Variants in USP37 observed in about 807,000 individuals in gnomAD.
The protein encoded by USP37 is ubiquitin specific peptidase 37.
USP37 carries 27 observed loss-of-function variants against 124.0 expected under a neutral mutation model. The observed-to-expected ratio is 0.22, with a 90% CI of 0.16 to 0.30. USP37 has a LOEUF of 0.30. Ranked by LOEUF, USP37 falls within the 10% of genes least tolerant of loss-of-function variation. The probability of loss-of-function intolerance (pLI) is 1.00; values close to 1 mark genes in which losing one functional copy is unlikely to be tolerated. For missense variants in USP37, 889 were observed against 1,140.4 expected, an observed-to-expected ratio of 0.78 and a Z score of 3.17; for synonymous variants, 365 against 388.0, an observed-to-expected ratio of 0.94 and a Z score of 0.70.
intron 10 of USP37, among the ~76,000 whole-genome samples, chr2:218,524,747 C>T (rs770745118): frequency 6.6e-6 from 1 of 152,166 alleles, no homozygotes; most frequent in Non-Finnish European, 1.5e-5. Flanking sequence ...GTAGCTGGGA[C>T]TACAGGCACG....
At chr2:218,539,395 A>G (rs908628991) in intron 8 of USP37, among the ~76,000 whole-genome samples, 17 of 152,138 alleles carry the variant, frequency 1.1e-4, no homozygotes, top group Admixed American at 4.6e-4. Context: ...CATTCTTACC[A>G]TAGATCTTCG....
At chr2:218,486,794 C>T (rs778727300) in intron 15 of USP37, among the ~76,000 whole-genome samples, 12 of 151,944 alleles carry the variant, frequency 7.9e-5, no homozygotes, top group African/African-American at 1.9e-4. Flanking sequence ...GGCGCGATCT[C>T]GGCTCACTTC....
chr2:218,460,781 A>C (rs1170966766), intron 22 of USP37, among the ~76,000 whole-genome samples: 2 of 152,074 alleles, frequency 1.3e-5, no homozygotes, highest in Non-Finnish European at 2.9e-5. Context: ...TCTCTACTAA[A>C]AATACAAAAA....
chr2:218,505,493 ATAGTATTCCAAGTTC>A (rs1689629582), intron 11 of USP37, among the ~76,000 whole-genome samples: 1 of 152,218 alleles, frequency 6.6e-6, no homozygotes, highest in Non-Finnish European at 1.5e-5. Context: ...AAATGTGTGT[ATAGTATTCCAAGTTC>A]TTATACTCCA....
rs577122719 is a variant in USP37 at position 218,482,186 on chromosome 2, C to G, written c.1719G>C (p.Ser573=). The part of the protein sequence containing the change: ...LKRYSFNVAL[S]LNNKIGQQVI... ...CTTGCTGCCCAATCTTATTGTTAAG[C>G]GAGAGAGCCACATTGAAGCTATATC... The change falls in exon 17 of 26, where the codon TCG becomes TCC. Residue 573 remains serine (S), a synonymous_variant. Transcript: ENST00000258399. The G allele has an allele frequency of 6.2e-7, 1 of 1,613,628 alleles. No individual in the cohort carries two copies. The highest frequency in any genetic ancestry group is 8.5e-7 in the Non-Finnish European group (1 of 1,179,812).
intron 8 of USP37, among the ~76,000 whole-genome samples, chr2:218,543,032 G>T (rs529385419): frequency 1.1e-4 from 16 of 152,170 alleles, no homozygotes; most frequent in African/African-American, 3.6e-4. Context: ...TGATAAAAAC[G>T]GTCATATTAA....
At chr2:218,467,508 C>G (rs1690417559) in intron 20 of USP37, among the ~76,000 whole-genome samples, 1 of 152,136 alleles carries the variant, frequency 6.6e-6, no homozygotes, top group African/African-American at 2.4e-5. Context: ...GCCACCACGC[C>G]CGGCTAATTT....
intron 1 of USP37, 97 bp from the exon 2 acceptor site, chr2:218,562,910 T>C (rs1412028295): frequency 5.2e-6 from 2 of 386,464 alleles, no homozygotes; most frequent in Admixed American, 4.5e-5. Context: ...ACGCGAGTAA[T>C]CCCAGCACTT....
intron 20 of USP37, among the ~76,000 whole-genome samples, chr2:218,470,434 T>C (rs1690613646): frequency 6.6e-6 from 1 of 152,196 alleles, no homozygotes. Context: ...AGTATTACTG[T>C]TTTTTTCTAA....
Position 218,505,094 on chromosome 2 carries a change from G to A in USP37, c.1025+4885C>T, listed in dbSNP as rs144456868. ...CAGTGGTGTGACCACGGTTCACCGTGGCCTCGACCTCCCAGGCTCAAGCAA... is the reference window on the plus strand; with the variant it reads ...CAGTGGTGTGACCACGGTTCACCGTAGCCTCGACCTCCCAGGCTCAAGCAA... On this transcript the variant is annotated intron_variant, in intron 11 of 25. Coordinates refer to ENST00000258399, the MANE Select transcript of USP37 (RefSeq NM_020935.3). Among the ~76,000 whole-genome samples, 132 of 151,940 alleles carry A rather than the reference G, an allele frequency of 8.7e-4. 4 individuals are homozygous for A. The East Asian group carries it at 0.024, about 27-fold the overall frequency.
In USP37 at chr2:218,511,765, T is replaced by C. The variant is rs574219996; in HGVS notation, c.864-1625A>G. ...TCTGGCCCACATTCTAATTTTAAAA[T>C]TTTTATACTGGGAAATTTATCAATT... On this transcript the variant is annotated intron_variant, in intron 10 of 25. Coordinates refer to ENST00000258399, the MANE Select transcript of USP37 (RefSeq NM_020935.3). 1.4e-3 allele frequency among the ~76,000 whole-genome samples: 206 copies of C among 150,634 alleles called. 1 individual carries two copies. The highest frequency in any genetic ancestry group is 5.0e-3 in the African/African-American group (204 of 41,054).
At chr2:218,525,592 T>G (rs951889511) in intron 10 of USP37, among the ~76,000 whole-genome samples, 2 of 152,250 alleles carry the variant, frequency 1.3e-5, no homozygotes, top group Middle Eastern at 3.2e-3. Context: ...TCTAACTATC[T>G]GCTTCCTATT....
At position 218,542,609 on chromosome 2, in the gene USP37, T is replaced by C. The variant is rs929225078; in HGVS notation, c.680+3612A>G. Among the ~76,000 whole-genome samples the C allele has an allele frequency of 3.3e-5, 5 of 152,302 alleles. No individual in the cohort carries two copies. In the East Asian group the frequency reaches 7.7e-4, roughly 24 times the overall value. ...TGGTTTTTCTATACAGGGTTTCCAA[T>C]ATTGGCAGTGACAGCACGGTTCTAG... is the stretch of plus-strand genomic sequence containing the variant. On this transcript the variant is annotated intron_variant, in intron 8 of 25. Coordinates refer to ENST00000258399, the MANE Select transcript of USP37 (RefSeq NM_020935.3).
chr2:218,497,804 T>G lies in USP37; in HGVS notation c.1211A>C (p.Lys404Thr). 6.2e-7 allele frequency: 1 copy of G among 1,613,976 alleles called. No individual in the cohort carries two copies. The highest frequency in any genetic ancestry group is 8.5e-7 in the Non-Finnish European group (1 of 1,179,968). ...ATTTTTAACCTTCTTGAGTAAATCC[T>G]TTTTGGTCTCTGAATTACAGATATC... is the stretch of plus-strand genomic sequence containing the variant. ...KKDICNSETK[K>T]DLLKKVKNAI... Residue 404 changes from lysine to threonine, a missense_variant, in exon 13 of 26, where the codon AAG becomes ACG. This residue lies in a region of USP37 where 504 missense variants were observed against 714.3 expected (regional missense o/e 0.71). Coordinates refer to ENST00000258399, the MANE Select transcript of USP37 (RefSeq NM_020935.3).
chr2:218,494,151 G>C (rs948400107), intron 14 of USP37, among the ~76,000 whole-genome samples: 1 of 152,232 alleles, frequency 6.6e-6, no homozygotes, highest in Non-Finnish European at 1.5e-5. Flanking sequence ...AAAGCAAGCA[G>C]TGTCACAGAC....
intron 9 of USP37, among the ~76,000 whole-genome samples, chr2:218,533,727 C>T (rs1366912212): frequency 6.6e-6 from 1 of 152,130 alleles, no homozygotes; most frequent in Non-Finnish European, 1.5e-5. Context: ...GGGTCCTGAT[C>T]AACTGGATTC....
In USP37 at chr2:218,509,932, T is replaced by C. The variant is rs372829630; in HGVS notation, c.1025+47A>G. The C allele has an allele frequency of 5.2e-5, 77 of 1,478,330 alleles. No individual in the cohort carries two copies. In the South Asian group the frequency reaches 1.0e-3, roughly 19 times the overall value. 91.6% of individuals were successfully genotyped at this position (1,478,330 alleles called of 1,614,324 possible). A position where few individuals can be genotyped will look rare whatever the true frequency, so the allele number is the denominator to read the frequency against. On this transcript the variant is annotated intron_variant, in intron 11 of 25. Coordinates refer to ENST00000258399, the MANE Select transcript of USP37 (RefSeq NM_020935.3). ...CATTTTACACCAAAGCACACTTCTA[T>C]TGAATCACTTTATAAAAAAGAAAGT...
At chr2:218,467,684 A>T (rs1574844416) in intron 20 of USP37, among the ~76,000 whole-genome samples, 1 of 151,070 alleles carries the variant, frequency 6.6e-6, no homozygotes, top group South Asian at 2.1e-4. Context: ...GAGTTTCACC[A>T]TGTTGGCCAG....
At chr2:218,520,171 CA>C (rs774205829) in intron 10 of USP37, among the ~76,000 whole-genome samples, 10 of 152,116 alleles carry the variant, frequency 6.6e-5, no homozygotes, top group Admixed American at 2.0e-4. Context: ...CTCCTGACCT[CA>C]TGTGATCCAC....
Sources: gnomAD v4.1 joint callset for allele counts (sites outside exome capture counted in the v4.1 genomes callset) on GRCh38, gnomAD v4.1.1 for gene constraint, gnomAD v4.1.1 regional missense constraint, MANE v1.5 for transcripts, NCBI Gene and HGNC (gene_info 2026-07-23, HGNC 2026-07-21) for gene names.